The following ATXN1 variants were observed in gnomAD, a reference collection of about 807,000 sequenced individuals.
ATXN1 encodes the protein ataxin 1.
In ATXN1, 8 loss-of-function variants were observed where a neutral mutation model predicts 56.4. The ratio of observed to expected loss-of-function variants is 0.14; its 90% CI spans 0.08 to 0.26. ATXN1 has a LOEUF of 0.26. ATXN1 is among the 10% of genes least tolerant of loss of function. The probability of loss-of-function intolerance (pLI) is 1.00; values close to 1 mark genes in which losing one functional copy is unlikely to be tolerated. For synonymous variants in ATXN1, 514 were observed against 494.6 expected, an observed-to-expected ratio of 1.04 and a Z score of -0.52; for missense variants, 987 against 1,106.5, an observed-to-expected ratio of 0.89 and a Z score of 1.53.
intron 2 of ATXN1, among the ~76,000 whole-genome samples, chr6:16,746,869 T>C (rs1053824339): frequency 6.6e-6 from 1 of 152,152 alleles, no homozygotes; most frequent in Non-Finnish European, 1.5e-5. Context: ...AATCTATTCA[T>C]GGAACTGTAC....
intron 2 of ATXN1, among the ~76,000 whole-genome samples, chr6:16,694,390 A>C (rs1430662465): frequency 6.6e-6 from 1 of 151,888 alleles, no homozygotes; most frequent in Non-Finnish European, 1.5e-5. Flanking sequence ...AGTAGCTGGG[A>C]TTACAGGTGT....
chr6:16,432,549 A>T (rs1018072755), intron 6 of ATXN1: 34 of 152,274 alleles, frequency 2.2e-4, no homozygotes, highest in African/African-American at 7.7e-4. Flanking sequence ...AGGGAAAAAA[A>T]GAGGCTCTGA....
At chr6:16,707,312 T>A (rs1305853061) in intron 2 of ATXN1, among the ~76,000 whole-genome samples, 1 of 152,036 alleles carries the variant, frequency 6.6e-6, no homozygotes, top group Admixed American at 6.5e-5. Flanking sequence ...TAGGAAAAAA[T>A]AAAAGAAATC....
chr6:16,627,495 G>A (rs1383835348), intron 3 of ATXN1, among the ~76,000 whole-genome samples: 1 of 152,152 alleles, frequency 6.6e-6, no homozygotes, highest in Non-Finnish European at 1.5e-5. Context: ...TTGGGAGGCC[G>A]AGGTGGGCGG....
rs1286814680 is a variant in ATXN1 at position 16,536,506 on chromosome 6, G to GA, written c.-360-13819dup. On this transcript the variant is annotated intron_variant, in intron 4 of 7. Coordinates refer to ENST00000436367, the MANE Select transcript of ATXN1 (RefSeq NM_001128164.2). The stretch of plus-strand genomic sequence containing the variant: ...ATTTTTCCTAATAAAATGTTGGGGG[G>GA]AAAGTCTCTCGTGAACAACTCTGCC... Among the ~76,000 whole-genome samples, 9 of 152,270 alleles carry GA rather than the reference G, an allele frequency of 5.9e-5. No homozygotes were observed. The South Asian group carries it at 1.7e-3, about 28-fold the overall frequency.
intron 6 of ATXN1, among the ~76,000 whole-genome samples, chr6:16,478,443 C>G (rs1760371999): frequency 6.6e-6 from 1 of 152,156 alleles, no homozygotes; most frequent in Non-Finnish European, 1.5e-5. Context: ...GGTTGCCAAA[C>G]AGAAGGAAAA....
intron 4 of ATXN1, among the ~76,000 whole-genome samples, chr6:16,542,697 A>G (rs1435760757): frequency 1.3e-5 from 2 of 152,206 alleles, no homozygotes; most frequent in African/African-American, 2.4e-5. Flanking sequence ...CCTCCCATCC[A>G]TGGAGGATCT....
intron 2 of ATXN1, among the ~76,000 whole-genome samples, chr6:16,677,631 A>C (rs996526683): frequency 7.9e-5 from 12 of 152,132 alleles, no homozygotes; most frequent in Admixed American, 6.5e-4. Flanking sequence ...AAAAGCTGAC[A>C]CATTTGTGCC....
rs145691240 is a variant in ATXN1 at position 16,597,637 on chromosome 6, A to T, written c.-488-11730T>A. On this transcript the variant is annotated intron_variant, in intron 3 of 7. Transcript: ENST00000436367. ...GTATTTTCAGTCGAGACGGGGTTTC[A>T]CCATGTTGGTTAGGCTGATCTCAAA... is the stretch of plus-strand genomic sequence containing the variant. Among the ~76,000 whole-genome samples the T allele has an allele frequency of 2.1e-3, 323 of 152,078 alleles. 1 individual carries two copies. The highest frequency in any genetic ancestry group is 7.1e-3 in the African/African-American group (296 of 41,498).
At chr6:16,724,440 A>C (rs1415057283) in intron 2 of ATXN1, among the ~76,000 whole-genome samples, 1 of 152,144 alleles carries the variant, frequency 6.6e-6, no homozygotes, top group African/African-American at 2.4e-5. Context: ...AATCAAACCC[A>C]GTGTTCACCC....
At chr6:16,354,624 C>T (rs1761646393) in intron 6 of ATXN1, among the ~76,000 whole-genome samples, 1 of 152,128 alleles carries the variant, frequency 6.6e-6, no homozygotes, top group African/African-American at 2.4e-5. Flanking sequence ...AAAACAAAAT[C>T]GAGTCCTTTT....
chr6:16,726,506 G>A (rs1441786414), intron 2 of ATXN1, among the ~76,000 whole-genome samples: 1 of 152,092 alleles, frequency 6.6e-6, no homozygotes, highest in Non-Finnish European at 1.5e-5. Flanking sequence ...CTTCGTAGAT[G>A]ATACCAATTA....
chr6:16,731,981 A>G (rs908245726), intron 2 of ATXN1, among the ~76,000 whole-genome samples: 14 of 152,320 alleles, frequency 9.2e-5, no homozygotes, highest in African/African-American at 2.9e-4. Flanking sequence ...AAAGTACTTT[A>G]GAGTACTCAA....
intron 6 of ATXN1, among the ~76,000 whole-genome samples, chr6:16,470,263 G>A (rs552636030): frequency 1.8e-4 from 27 of 152,260 alleles, no homozygotes; most frequent in Admixed American, 1.4e-3. Flanking sequence ...ACTTATATGA[G>A]CCACTTACAG....
At chr6:16,507,692 T>C (rs1761006460) in intron 5 of ATXN1, among the ~76,000 whole-genome samples, 1 of 152,248 alleles carries the variant, frequency 6.6e-6, no homozygotes, top group Admixed American at 6.5e-5. Flanking sequence ...GTAGTCTTTA[T>C]GGAAGACATA....
intron 2 of ATXN1, among the ~76,000 whole-genome samples, chr6:16,668,440 A>T (rs1000453259): frequency 2.0e-5 from 3 of 150,370 alleles, no homozygotes; most frequent in African/African-American, 7.4e-5. Context: ...ATTTTTAAAC[A>T]TCTTGCCTTT....
chr6:16,615,299 A>G (rs1763187584), intron 3 of ATXN1: 1 of 150,996 alleles, frequency 6.6e-6, no homozygotes, highest in Non-Finnish European at 1.5e-5. Context: ...TTGACAAGTC[A>G]GTCTTTTTGT....
intron 2 of ATXN1, among the ~76,000 whole-genome samples, chr6:16,685,387 G>T (rs1482084899): frequency 6.6e-6 from 1 of 152,092 alleles, no homozygotes; most frequent in Non-Finnish European, 1.5e-5. Flanking sequence ...TTTCTGGGGA[G>T]GAACAAATGA....
At chr6:16,726,422 C>T (rs973720957) in intron 2 of ATXN1, among the ~76,000 whole-genome samples, 12 of 151,348 alleles carry the variant, frequency 7.9e-5, no homozygotes, top group Admixed American at 5.9e-4. Context: ...GTTCTGCCCA[C>T]TAACATTAAG....
Sources: gnomAD v4.1 joint callset for allele counts (sites outside exome capture counted in the v4.1 genomes callset) on GRCh38, gnomAD v4.1.1 for gene constraint, MANE v1.5 for transcripts, NCBI Gene and HGNC (gene_info 2026-07-23, HGNC 2026-07-21) for gene names.